GIMAP8: variants seen among roughly 807,000 people sequenced by gnomAD.
GIMAP8 encodes the protein GTPase, IMAP family member 8.
A neutral mutation model predicts 35.6 loss-of-function variants in GIMAP8; 29 were observed. The observed-to-expected ratio is 0.81, with a 90% CI of 0.61 to 1.11. The LOEUF (loss-of-function observed/expected upper bound fraction) is 1.11. Ranked by LOEUF, GIMAP8 falls within the 50% of genes most tolerant of loss-of-function variation. The probability of loss-of-function intolerance (pLI) is 0.00; values close to 1 mark genes in which losing one functional copy is unlikely to be tolerated. For missense variants in GIMAP8, 811 were observed against 805.0 expected, an observed-to-expected ratio of 1.01 and a Z score of -0.09; for synonymous variants, 335 against 308.7, an observed-to-expected ratio of 1.09 and a Z score of -0.89.
At chr7:150,457,763 A>C (rs1237378982) in intron 1 of GIMAP8, among the ~76,000 whole-genome samples, 2 of 152,232 alleles carry the variant, frequency 1.3e-5, no homozygotes, top group Non-Finnish European at 2.9e-5. Flanking sequence ...TTCGTGAAAT[A>C]CTGTTTTACC....
chr7:150,471,691 G>A (rs1802096099), intron 3 of GIMAP8, among the ~76,000 whole-genome samples: 1 of 152,048 alleles, frequency 6.6e-6, no homozygotes, highest in African/African-American at 2.4e-5. Context: ...ACAAAAATTA[G>A]CCAGGCATGG....
intron 1 of GIMAP8, 96 bp from the exon 2 acceptor site, chr7:150,466,575 G>T (rs749804006): frequency 9.4e-7 from 1 of 1,059,604 alleles, no homozygotes; most frequent in Non-Finnish European, 1.3e-6. Flanking sequence ...TTCATTGGCG[G>T]CAATTTGAGT....
intron 1 of GIMAP8, among the ~76,000 whole-genome samples, chr7:150,458,846 G>A (rs1295163958): frequency 6.6e-6 from 1 of 152,088 alleles, no homozygotes; most frequent in African/African-American, 2.4e-5. Context: ...CATGTTAGAG[G>A]GATAAGAGAG....
At position 150,466,879 on chromosome 7, in the gene GIMAP8, G is replaced by T; in HGVS notation, c.181G>T (p.Val61Phe). The change falls in exon 2 of 5, where the codon GTT (valine) becomes TTT (phenylalanine). Residue 61 changes from valine (V) to phenylalanine (F), a missense_variant. Coordinates refer to ENST00000307271, the MANE Select transcript of GIMAP8 (RefSeq NM_175571.4). Reference protein sequence around the residue: ...RESWVLRERKVVVIDTPDLFS... With the variant: ...RESWVLRERKFVVIDTPDLFS... ...GAGTTGGGTCCTGAGAGAAAGGAAG[G>T]TTGTGGTAATTGACACCCCTGACCT... is the stretch of plus-strand genomic sequence containing the variant. The T allele has an allele frequency of 6.2e-7, 1 of 1,614,244 alleles. No individual in the cohort carries two copies. Among genetic ancestry groups the T allele is most frequent in the Non-Finnish European group, 8.5e-7 (1 of 1,180,040 alleles).
intron 1 of GIMAP8, among the ~76,000 whole-genome samples, chr7:150,458,030 C>T (rs959455690): frequency 1.3e-5 from 2 of 152,220 alleles, no homozygotes; most frequent in Non-Finnish European, 2.9e-5. Flanking sequence ...CTGGCTCCTT[C>T]ACCTCCTCAC....
chr7:150,455,510 T>C lies in GIMAP8; in HGVS notation c.-29+4335T>C, dbSNP rs185872364. The stretch of plus-strand genomic sequence containing the variant: ...ATGGACAAAACAGAGAACCTAGGGA[T>C]AGAACTGTGGACCTACGGGCACTTG... On this transcript the variant is annotated intron_variant, in intron 1 of 4. Transcript: ENST00000307271. Among the ~76,000 whole-genome samples, 548 of 152,364 alleles carry C rather than the reference T, an allele frequency of 3.6e-3. 1 individual carries two copies. The highest frequency in any genetic ancestry group is 5.9e-3 in the Non-Finnish European group (400 of 68,034).
rs762612299 is a variant in GIMAP8, at chr7:150,474,144, C to A, written c.815C>A (p.Ala272Asp). ...GGAAACAGCATTCTGGGGAGGCAGG[C>A]CTTTCAGACCGGATTTAGTGAGCAG... is the stretch of plus-strand genomic sequence containing the variant. ...AAGNSILGRQAFQTGFSEQSV... is the reference protein window; with the variant it reads ...AAGNSILGRQDFQTGFSEQSV... The change falls in exon 4 of 5, where the codon GCC (alanine) becomes GAC (aspartate). Residue 272 changes from alanine to aspartate, a missense_variant. Transcript: ENST00000307271. The A allele has an allele frequency of 1.2e-6, 2 of 1,614,152 alleles. No homozygotes were observed. The highest frequency in any genetic ancestry group is 1.7e-6 in the Non-Finnish European group (2 of 1,180,022).
chr7:150,454,178 T>A (rs573211946), intron 1 of GIMAP8, among the ~76,000 whole-genome samples: 115 of 150,966 alleles, frequency 7.6e-4, no homozygotes, highest in African/African-American at 2.0e-3. Context: ...GGAGATGAGG[T>A]CAGAGAGCAG....
chr7:150,457,449 AT>A (rs1205340272), intron 1 of GIMAP8, among the ~76,000 whole-genome samples: 1 of 152,246 alleles, frequency 6.6e-6, no homozygotes, highest in Non-Finnish European at 1.5e-5. Flanking sequence ...CAATGCTTAA[AT>A]TATGAAAGAA....
chr7:150,457,515 A>G (rs913756853), intron 1 of GIMAP8, among the ~76,000 whole-genome samples: 1 of 152,278 alleles, frequency 6.6e-6, no homozygotes, highest in African/African-American at 2.4e-5. Flanking sequence ...GACAAAAGAC[A>G]TATTTAGAAA....
At position 150,466,895 on chromosome 7, in the gene GIMAP8, C is replaced by T. The variant is rs375974414; in HGVS notation, c.197C>T (p.Thr66Ile). 86 of 1,614,072 alleles carry T rather than the reference C, an allele frequency of 5.3e-5. No homozygotes were observed. Among genetic ancestry groups the T allele is most frequent in the Non-Finnish European group, 6.9e-5 (82 of 1,180,022 alleles). Residue 66 changes from threonine (T) to isoleucine (I), a missense_variant, in exon 2 of 5, where the codon ACC becomes ATC. Thr to Ile is a moderately conservative substitution (Grantham distance 89). Coordinates refer to ENST00000307271, the MANE Select transcript of GIMAP8 (RefSeq NM_175571.4). ...GAAAGGAAGGTTGTGGTAATTGACA[C>T]CCCTGACCTTTTCTCCTCAATAGCT... ...LRERKVVVID[T>I]PDLFSSIACA...
chr7:150,466,262 T>G (rs7791615), intron 1 of GIMAP8, among the ~76,000 whole-genome samples: 3,158 of 152,298 alleles, frequency 0.021, 127 homozygotes, highest in African/African-American at 0.073. Context: ...TGAATACAGA[T>G]TTCTAGGATC....
Position 150,466,678 on chromosome 7 carries a change from G to C in GIMAP8, c.-21G>C. The C allele has an allele frequency of 6.2e-7, 1 of 1,610,706 alleles. No homozygotes were observed. Among genetic ancestry groups the C allele is most frequent in the South Asian group, 1.1e-5 (1 of 90,686 alleles). Reference sequence around the variant, plus strand: ...TGTTTTCTGTCCCAACAGAACAAGCGGGAGCCTGTGTCAGGAAAGCATGTC... The same window carrying C: ...TGTTTTCTGTCCCAACAGAACAAGCCGGAGCCTGTGTCAGGAAAGCATGTC... On this transcript the variant is annotated 5_prime_UTR_variant, in exon 2 of 5. Coordinates refer to ENST00000307271, the MANE Select transcript of GIMAP8 (RefSeq NM_175571.4).
At chr7:150,454,721 G>A (rs1256381378) in intron 1 of GIMAP8, among the ~76,000 whole-genome samples, 1 of 152,182 alleles carries the variant, frequency 6.6e-6, no homozygotes, top group Non-Finnish European at 1.5e-5. Context: ...TACAGACATT[G>A]TTCTCTGGCC....
chr7:150,476,621 C>T (rs1802234799), intron 4 of GIMAP8, among the ~76,000 whole-genome samples: 1 of 152,142 alleles, frequency 6.6e-6, no homozygotes, highest in African/African-American at 2.4e-5. Context: ...CAGAATAATT[C>T]TTTAAATACT....
chr7:150,470,188 T>A (rs1802056901), intron 2 of GIMAP8, among the ~76,000 whole-genome samples: 1 of 152,144 alleles, frequency 6.6e-6, no homozygotes, highest in Non-Finnish European at 1.5e-5. Context: ...ATGGAGAGGA[T>A]GCAGGGAGAG....
intron 1 of GIMAP8, among the ~76,000 whole-genome samples, chr7:150,458,280 A>C (rs1033947725): frequency 1.3e-5 from 2 of 152,172 alleles, no homozygotes. Context: ...TTTAGGTCCA[A>C]AGGCAACCTG....
At chr7:150,456,820 TACTATAC>T (rs1801740560) in intron 1 of GIMAP8, among the ~76,000 whole-genome samples, 1 of 152,232 alleles carries the variant, frequency 6.6e-6, no homozygotes, top group Non-Finnish European at 1.5e-5. Flanking sequence ...GCCTACCTCA[TACTATAC>T]ACAAAAGCAA....
intron 1 of GIMAP8, among the ~76,000 whole-genome samples, chr7:150,452,041 A>G (rs1801619530): frequency 6.6e-6 from 1 of 152,154 alleles, no homozygotes; most frequent in South Asian, 2.1e-4. Context: ...GCCTGAGTCC[A>G]CGTTTGCCTT....
Sources: gnomAD v4.1 joint callset for allele counts (sites outside exome capture counted in the v4.1 genomes callset) on GRCh38, gnomAD v4.1.1 for gene constraint, MANE v1.5 for transcripts, NCBI Gene and HGNC (gene_info 2026-07-23, HGNC 2026-07-21) for gene names.